Variants in USP24 observed in about 807,000 individuals in gnomAD.
USP24 encodes ubiquitin carboxyl-terminal hydrolase 24.
In USP24, 97 loss-of-function variants were observed where a neutral mutation model predicts 361.6. The ratio of observed to expected loss-of-function variants is 0.27; its 90% CI spans 0.23 to 0.32. USP24 has a LOEUF of 0.32. Among genes scored for constraint, USP24 ranks in the 10% least tolerant of loss-of-function variants. USP24 has a pLI of 1.00. For synonymous variants in USP24, 1,098 were observed against 1,124.6 expected, an observed-to-expected ratio of 0.98 and a Z score of 0.47; for missense variants, 2,353 against 3,165.6, an observed-to-expected ratio of 0.74 and a Z score of 6.16.
intron 8 of USP24, among the ~76,000 whole-genome samples, chr1:55,161,066 T>C (rs894658192): frequency 6.6e-6 from 1 of 152,028 alleles, no homozygotes. Flanking sequence ...AAAGAAAGCA[T>C]TTAACATTTA....
chr1:55,107,415 T>G lies in USP24; in HGVS notation c.4586A>C (p.Gln1529Pro). Reference sequence around the variant, plus strand: ...CATCGTAGCTGGGCTGATCCTTAACTGCTCCATTTCTGAAGCTAAGAAGGA... The same window carrying G: ...CATCGTAGCTGGGCTGATCCTTAACGGCTCCATTTCTGAAGCTAAGAAGGA... ...LDDLTTSEME[Q>P]LRISPATMLE... The change falls in exon 40 of 68, where the codon CAG becomes CCG. Residue 1529 changes from glutamine (Q) to proline (P), a missense_variant. Transcript: ENST00000294383. 1 of 1,599,918 alleles carries G rather than the reference T, an allele frequency of 6.3e-7. No individual in the cohort carries two copies. The highest frequency in any genetic ancestry group is 1.1e-5 in the South Asian group (1 of 87,886).
intron 54 of USP24, among the ~76,000 whole-genome samples, chr1:55,090,751 CCTATAATGTGCAGG>C (rs1258536845): frequency 1.3e-5 from 2 of 152,202 alleles, no homozygotes; most frequent in Admixed American, 6.5e-5. Flanking sequence ...TTATCCAGAA[CCTATAATGTGCAGG>C]CACCTTACCA....
intron 40 of USP24, among the ~76,000 whole-genome samples, chr1:55,106,804 A>C (rs1399768548): frequency 1.3e-5 from 2 of 152,162 alleles, no homozygotes. Flanking sequence ...AATACTGAAT[A>C]ATCTTTTACA....
At position 55,214,921 on chromosome 1, in the gene USP24, CG is replaced by C; in HGVS notation, c.192del (p.Gly67AlafsTer70). On this transcript the variant is annotated frameshift_variant, in exon 1 of 68. Coordinates refer to ENST00000294383, the MANE Select transcript of USP24 (RefSeq NM_015306.3). LOFTEE classifies it high-confidence loss of function. ...TCGCCCCGCGGGCCCCCGCCGGGCC[CG>C]GGGCTGGGGCCACCGCCGCTGTCCA... ...EPMDSGGGPS[P>X]GPGGGPRGDG... 7.6e-7 allele frequency: 1 copy of C among 1,317,322 alleles called. No homozygotes were observed. 81.6% of individuals were successfully genotyped at this position (1,317,322 alleles called of 1,614,324 possible). A position where few individuals can be genotyped will look rare whatever the true frequency, so the allele number is the denominator to read the frequency against.
intron 1 of USP24, 122 bp from the exon 2 acceptor site, chr1:55,178,254 T>C: frequency 1.0e-6 from 1 of 978,904 alleles, no homozygotes. Flanking sequence ...ATAGCATGGA[T>C]TCTACCTTTC....
intron 16 of USP24, among the ~76,000 whole-genome samples, chr1:55,151,125 T>C (rs577849870): frequency 1.3e-5 from 2 of 152,350 alleles, no homozygotes; most frequent in Admixed American, 1.3e-4. Flanking sequence ...CATAACTTCT[T>C]TGGAGACATA....
At chr1:55,206,977 C>A (rs115095164) in intron 1 of USP24, among the ~76,000 whole-genome samples, 64 of 152,002 alleles carry the variant, frequency 4.2e-4, no homozygotes, top group East Asian at 1.2e-3. Context: ...GACCAGCCTG[C>A]GCAACATGGC....
intron 16 of USP24, 121 bp from the exon 17 acceptor site, chr1:55,148,691 T>A (rs1647108507): frequency 2.9e-6 from 2 of 686,038 alleles, no homozygotes. Flanking sequence ...TTTTACTCTT[T>A]ATATTGACCA....
chr1:55,215,078 C>T lies in USP24; in HGVS notation c.36G>A (p.Leu12=). The stretch of plus-strand genomic sequence containing the variant: ...CGGGGTCTGAGAAGCCCATGCACAG[C>T]AGCGTGGTCATGTGCTGCTCCTCCT... ...ESEEEQHMTT[L]LCMGFSDPAT... Residue 12 remains leucine, a synonymous_variant, in exon 1 of 68, where the codon CTG becomes CTA. Coordinates refer to ENST00000294383, the MANE Select transcript of USP24 (RefSeq NM_015306.3). 2 of 1,401,666 alleles carry T rather than the reference C, an allele frequency of 1.4e-6. No homozygotes were observed. Among genetic ancestry groups the T allele is most frequent in the Non-Finnish European group, 9.3e-7 (1 of 1,070,840 alleles). The allele number at this position is 1,401,666 out of a possible 1,614,324, so 86.8% of individuals were successfully genotyped here. A position where few individuals can be genotyped will look rare whatever the true frequency, so the allele number is the denominator to read the frequency against.
chr1:55,151,244 C>T (rs1163416050), intron 16 of USP24, among the ~76,000 whole-genome samples: 1 of 152,200 alleles, frequency 6.6e-6, no homozygotes, highest in African/African-American at 2.4e-5. Context: ...CCCACTTCCT[C>T]ATCTGTCTTG....
At chr1:55,212,294 C>T (rs538583863) in intron 1 of USP24, among the ~76,000 whole-genome samples, 1 of 152,308 alleles carries the variant, frequency 6.6e-6, no homozygotes, top group Non-Finnish European at 1.5e-5. Flanking sequence ...ATATGTCTTT[C>T]CCTCATTATT....
chr1:55,193,234 G>T (rs1324008670), intron 1 of USP24, among the ~76,000 whole-genome samples: 2 of 152,248 alleles, frequency 1.3e-5, no homozygotes, highest in Middle Eastern at 3.4e-3. Flanking sequence ...ATGTGCTTAG[G>T]ATACATGCAA....
intron 38 of USP24, among the ~76,000 whole-genome samples, chr1:55,116,097 C>T (rs1049150103): frequency 6.6e-6 from 1 of 152,070 alleles, no homozygotes; most frequent in African/African-American, 2.4e-5. Flanking sequence ...CAGCAAACCA[C>T]TATGGCACGT....
intron 2 of USP24, among the ~76,000 whole-genome samples, chr1:55,177,325 T>C (rs1027174672): frequency 6.6e-6 from 1 of 152,200 alleles, no homozygotes; most frequent in East Asian, 1.9e-4. Flanking sequence ...AACTCAATAA[T>C]AGGTTTTGCT....
At chr1:55,098,209 G>A (rs903486382) in intron 46 of USP24, 125 bp from the exon 47 acceptor site, 3 of 1,215,148 alleles carry the variant, frequency 2.5e-6, no homozygotes, top group Non-Finnish European at 3.3e-6. Context: ...TATTTTAAAA[G>A]TCCATTACTA....
intron 49 of USP24, 29 bp from the exon 50 acceptor site, chr1:55,096,651 T>G (rs1055218499): frequency 6.3e-7 from 1 of 1,592,140 alleles, no homozygotes; most frequent in Non-Finnish European, 8.5e-7. Context: ...ACAAACATTA[T>G]AAGGTTAAAA....
intron 1 of USP24, among the ~76,000 whole-genome samples, chr1:55,214,547 G>A (rs1188316981): frequency 6.6e-6 from 1 of 151,812 alleles, no homozygotes; most frequent in Non-Finnish European, 1.5e-5. Flanking sequence ...CCACAGCTCC[G>A]CTGCGCATCC....
At chr1:55,083,003 A>G (rs1570359295) in intron 58 of USP24, among the ~76,000 whole-genome samples, 1 of 151,774 alleles carries the variant, frequency 6.6e-6, no homozygotes, top group African/African-American at 2.4e-5. Context: ...AATACCACCT[A>G]TTCCCTAAAG....
rs751455588 is a variant in USP24, at chr1:55,165,927, T to G, written c.885A>C (p.Ala295=). Residue 295 remains alanine (A), a synonymous_variant, in exon 7 of 68, where the codon GCA becomes GCC. Transcript: ENST00000294383. The part of the protein sequence containing the change: ...VNKFGELGGF[A]AIQAKLHSED... ...CTGAATGGAGCTTGGCTTGGATTGCTGCAAATCCACCTAATTCTCCAAACT... is the reference window on the plus strand; with the variant it reads ...CTGAATGGAGCTTGGCTTGGATTGCGGCAAATCCACCTAATTCTCCAAACT... 7 of 1,607,694 alleles carry G rather than the reference T, an allele frequency of 4.4e-6. No homozygotes were observed. The highest frequency in any genetic ancestry group is 6.0e-6 in the Non-Finnish European group (7 of 1,176,314).
Sources: gnomAD v4.1 joint callset for allele counts (sites outside exome capture counted in the v4.1 genomes callset) on GRCh38, gnomAD v4.1.1 for gene constraint, MANE v1.5 for transcripts, NCBI Gene and HGNC (gene_info 2026-07-23, HGNC 2026-07-21) for gene names.